Variants in CPB2 observed in about 807,000 individuals in gnomAD.
CPB2 encodes the protein carboxypeptidase B-like protein.
In CPB2, 54 loss-of-function variants were observed where a neutral mutation model predicts 57.0. The ratio of observed to expected loss-of-function variants is 0.95; its 90% CI spans 0.76 to 1.19. The LOEUF (loss-of-function observed/expected upper bound fraction) is 1.19, where lower values mean the gene tolerates loss of function less well. CPB2 is among the 50% of genes most tolerant of loss of function. The pLI is 0.00. For synonymous variants in CPB2, 189 were observed against 178.1 expected (o/e 1.06, Z -0.49); for missense variants, 426 against 512.0 (o/e 0.83, Z 1.62).
rs150190978 is a variant in CPB2, at chr13:46,096,757, C to T, written c.74+8179G>A. On this transcript the variant is annotated intron_variant, in intron 1 of 10. Transcript: ENST00000181383. Reference sequence around the variant, plus strand: ...TCGCACCACTGCACTCTAGCCTGGGCGACAGAGGGAGACTCCATCTCAAAA... The same window carrying T: ...TCGCACCACTGCACTCTAGCCTGGGTGACAGAGGGAGACTCCATCTCAAAA... 1.7e-3 allele frequency among the ~76,000 whole-genome samples: 251 copies of T among 151,676 alleles called. 2 individuals are homozygous for T. Among genetic ancestry groups the T allele is most frequent in the South Asian group, 6.3e-3 (30 of 4,796 alleles).
At position 46,053,616 on chromosome 13, in the gene CPB2, AAAC is replaced by A; in HGVS notation, c.1267_1269del (p.Val423del). 6.2e-7 allele frequency: 1 copy of A among 1,612,646 alleles called. No homozygotes were observed. Among genetic ancestry groups the A allele is most frequent in the Non-Finnish European group, 8.5e-7 (1 of 1,178,916 alleles). On this transcript the variant is annotated inframe_deletion, in exon 11 of 11. Transcript: ENST00000181383. ...GCAGAATGATAAAATCAGGGGCATT[AAAC>A]ATTCCTAATGACATGCCAAGCTATT...
chr13:46,088,889 A>C (rs963581123), intron 1 of CPB2, among the ~76,000 whole-genome samples: 2 of 150,390 alleles, frequency 1.3e-5, no homozygotes, highest in Non-Finnish European at 3.0e-5. Flanking sequence ...TAATTTCTTT[A>C]TATATTCTAA....
At chr13:46,067,217 G>A (rs1465394625) in intron 7 of CPB2, 90 bp downstream of exon 7, 2 of 612,570 alleles carry the variant, frequency 3.3e-6, no homozygotes, top group Non-Finnish European at 5.7e-6. Flanking sequence ...AAGCCATTGT[G>A]CCTAGATCCA....
At chr13:46,071,572 A>G (rs2044942853) in intron 6 of CPB2, among the ~76,000 whole-genome samples, 1 of 152,216 alleles carries the variant, frequency 6.6e-6, no homozygotes, top group South Asian at 2.1e-4. Flanking sequence ...AATGATGGCA[A>G]GAGTTGGAGG....
At chr13:46,085,607 C>T (rs2045191012) in intron 2 of CPB2, among the ~76,000 whole-genome samples, 1 of 152,182 alleles carries the variant, frequency 6.6e-6, no homozygotes, top group African/African-American at 2.4e-5. Flanking sequence ...CCCCTTTCTG[C>T]AGAGGTGTCA....
At chr13:46,085,738 C>T (rs915757515) in intron 2 of CPB2, among the ~76,000 whole-genome samples, 2 of 152,212 alleles carry the variant, frequency 1.3e-5, no homozygotes, top group African/African-American at 4.8e-5. Context: ...TCTTGGAAAA[C>T]ACTAACAAAC....
chr13:46,094,977 A>G (rs1325405769), intron 1 of CPB2: 1 of 152,146 alleles, frequency 6.6e-6, no homozygotes, highest in Non-Finnish European at 1.5e-5. Flanking sequence ...GTCCTTTCCC[A>G]AAGAGACCTA....
rs1406172574 is a variant in CPB2, at chr13:46,053,409, AT to A, written c.*204del. 4.2e-5 allele frequency: 28 copies of A among 667,722 alleles called. No individual in the cohort carries two copies. The highest frequency in any genetic ancestry group is 2.0e-4 in the African/African-American group (11 of 54,526). The allele number at this position is 667,722 out of a possible 1,614,324, so 41.4% of individuals were successfully genotyped here. Reference sequence around the variant, plus strand: ...AAAAGTAGGTAACTAGACTTTTACAATTTTTTTTAAAGGGTAAAAAGACATG... The same window carrying A: ...AAAAGTAGGTAACTAGACTTTTACAATTTTTTTAAAGGGTAAAAAGACATG... On this transcript the variant is annotated 3_prime_UTR_variant, in exon 11 of 11. Coordinates refer to ENST00000181383, the MANE Select transcript of CPB2 (RefSeq NM_001872.5).
chr13:46,090,128 A>C (rs2139408899), intron 1 of CPB2, among the ~76,000 whole-genome samples: 1 of 151,160 alleles, frequency 6.6e-6, no homozygotes, highest in East Asian at 1.9e-4. Context: ...TAGAGAACAA[A>C]CTCTTGCTTC....
chr13:46,053,839 C>A, intron 10 of CPB2, 41 bp from the exon 11 acceptor site: 4 of 1,548,774 alleles, frequency 2.6e-6, no homozygotes, highest in Non-Finnish European at 3.5e-6. Flanking sequence ...ACAGACGTTT[C>A]AAATTAATTT....
chr13:46,077,618 T>C (rs2045042889), intron 5 of CPB2, among the ~76,000 whole-genome samples: 1 of 152,170 alleles, frequency 6.6e-6, no homozygotes, highest in Non-Finnish European at 1.5e-5. Flanking sequence ...AAAAGATACC[T>C]GCACTCCCAT....
chr13:46,056,110 GA>G (rs1441681452), intron 9 of CPB2, among the ~76,000 whole-genome samples: 1 of 151,736 alleles, frequency 6.6e-6, no homozygotes, highest in Non-Finnish European at 1.5e-5. Flanking sequence ...TTAATTTGCA[GA>G]AAAAAATTAT....
chr13:46,078,983 A>C (rs1481130270), intron 4 of CPB2, 82 bp from the exon 5 acceptor site: 3 of 855,930 alleles, frequency 3.5e-6, no homozygotes, highest in Non-Finnish European at 5.8e-6. Flanking sequence ...CAACTTCTTC[A>C]GAGAAAGGAA....
At chr13:46,081,061 A>T (rs1367361712) in intron 4 of CPB2, among the ~76,000 whole-genome samples, 1 of 151,792 alleles carries the variant, frequency 6.6e-6, no homozygotes, top group Non-Finnish European at 1.5e-5. Flanking sequence ...AAGAGGCCTC[A>T]GTAGAAACCA....
At chr13:46,061,034 G>A (rs1428888983) in intron 8 of CPB2, among the ~76,000 whole-genome samples, 3 of 152,076 alleles carry the variant, frequency 2.0e-5, no homozygotes, top group African/African-American at 7.3e-5. Flanking sequence ...TGGGGAGAAG[G>A]TAGGGATGAG....
chr13:46,073,451 G>A, intron 6 of CPB2: 2 of 977,006 alleles, frequency 2.0e-6, no homozygotes, highest in Non-Finnish European at 2.4e-6. Flanking sequence ...TTTCACCTCT[G>A]TAATGTTGTG....
chr13:46,097,506 C>T (rs947753941), intron 1 of CPB2: 1 of 152,290 alleles, frequency 6.6e-6, no homozygotes, highest in Admixed American at 6.5e-5. Context: ...GAGTGTTTGA[C>T]CACTGATAAA....
chr13:46,078,063 T>C (rs1055513999), intron 5 of CPB2, among the ~76,000 whole-genome samples: 25 of 152,082 alleles, frequency 1.6e-4, no homozygotes, highest in Non-Finnish European at 7.4e-5. Context: ...GAACTTAAAA[T>C]GTTCCCAACA....
rs199530853 is a variant in CPB2 at position 46,084,262 on chromosome 13, C to T, written c.232G>A (p.Asp78Asn). ...ACATTTAAATGGGCTTTCACATTGT[C>T]GACATCAGATGCATTTACAAAAAAA... ...VHFFVNASDV[D>N]NVKAHLNVSG... The change falls in exon 3 of 11, where the codon GAC becomes AAC. Residue 78 changes from aspartate to asparagine, a missense_variant. By Grantham distance (23) the Asp-to-Asn change is conservative (BLOSUM62 1). Transcript: ENST00000181383. 7.2e-5 allele frequency: 117 copies of T among 1,614,080 alleles called. 1 individual carries two copies. The highest frequency in any genetic ancestry group is 6.2e-4 in the Admixed American group (37 of 60,016).
Sources: allele counts gnomAD v4.1 joint callset (sites outside exome capture counted in the v4.1 genomes callset), GRCh38; gene constraint gnomAD v4.1.1; transcripts MANE v1.5; gene names NCBI Gene and HGNC (gene_info 2026-07-23, HGNC 2026-07-21).